USP32: variants seen among roughly 807,000 people sequenced by gnomAD.
USP32 encodes the protein ubiquitin specific peptidase 32.
USP32 carries 59 observed loss-of-function variants against 204.8 expected under a neutral mutation model. The ratio of observed to expected loss-of-function variants is 0.29; its 90% CI spans 0.23 to 0.36. USP32 has a LOEUF of 0.36. Among genes scored for constraint, USP32 ranks in the 10% least tolerant of loss-of-function variants. The pLI is 1.00. For missense variants in USP32, 1,160 were observed against 1,946.4 expected (o/e 0.60, Z 7.60); for synonymous variants, 517 against 678.4 (o/e 0.76, Z 3.70).
At chr17:60,198,498 C>A in intron 26 of USP32, 54 bp from the exon 27 acceptor site, 2 of 1,588,964 alleles carry the variant, frequency 1.3e-6, no homozygotes, top group African/African-American at 1.4e-5. Flanking sequence ...TCTGATTCCT[C>A]CCTTTAGTTC....
At position 60,185,671 on chromosome 17, in the gene USP32, G is replaced by A; in HGVS notation, c.3643-20C>T. 6.3e-7 allele frequency: 1 copy of A among 1,599,618 alleles called. No homozygotes were observed. Among genetic ancestry groups the A allele is most frequent in the Non-Finnish European group, 8.5e-7 (1 of 1,170,466 alleles). ...TACAACCTGCAGGTAGAGGGAACAGGAGGAAAGGGGTGCGTGGGAAGGCAT... is the reference window on the plus strand; with the variant it reads ...TACAACCTGCAGGTAGAGGGAACAGAAGGAAAGGGGTGCGTGGGAAGGCAT... On this transcript the variant is annotated intron_variant, in intron 29 of 33. Coordinates refer to ENST00000300896, the MANE Select transcript of USP32 (RefSeq NM_032582.4).
At position 60,209,508 on chromosome 17, in the gene USP32, C is replaced by T. The variant is rs1456322523; in HGVS notation, c.2460G>A (p.Gly820=). The T allele has an allele frequency of 2.5e-6, 4 of 1,601,662 alleles. No individual in the cohort carries two copies. Among genetic ancestry groups the T allele is most frequent in the East Asian group, 4.5e-5 (2 of 44,388 alleles). ...GTTCTTGGGAGTCCTGTTGCTGAAA[C>T]CCATTAAACCTGGGAGCATATTTTG... The part of the protein sequence containing the change: ...TIAKYAPRFN[G]FQQQDSQELL... The change falls in exon 22 of 34, where the codon GGG becomes GGA. Residue 820 remains glycine (G), a synonymous_variant. Coordinates refer to ENST00000300896, the MANE Select transcript of USP32 (RefSeq NM_032582.4).
chr17:60,309,600 T>TA (rs1247810010), intron 2 of USP32, among the ~76,000 whole-genome samples: 5 of 151,666 alleles, frequency 3.3e-5, no homozygotes, highest in African/African-American at 1.2e-4. Context: ...AGACACTTTC[T>TA]AAAAAAAATA....
At chr17:60,199,700 T>C (rs894776085) in intron 26 of USP32, among the ~76,000 whole-genome samples, 2 of 152,262 alleles carry the variant, frequency 1.3e-5, no homozygotes, top group African/African-American at 4.8e-5. Flanking sequence ...TTTAAGCCTC[T>C]ATTTCATATG....
At chr17:60,345,434 G>A in intron 2 of USP32, 47 bp downstream of exon 2, 1 of 1,604,222 alleles carries the variant, frequency 6.2e-7, no homozygotes, top group African/African-American at 1.3e-5. Flanking sequence ...TTAGGCTGGT[G>A]GAGGTGGATA....
Position 60,205,591 on chromosome 17 carries a change from T to C in USP32, c.3105A>G (p.Pro1035=), listed in dbSNP as rs779482723. The C allele has an allele frequency of 1.9e-6, 3 of 1,613,982 alleles. No individual in the cohort carries two copies. Among genetic ancestry groups the C allele is most frequent in the South Asian group, 1.1e-5 (1 of 91,074 alleles). ...TLTTNGDLPR[P]IFIPNGMPNT... ...TTGGCATTCCATTGGGGATGAATAT[T>C]GGTCGGGGTAGGTCCCCATTGGTAG... The change falls in exon 26 of 34, where the codon CCA becomes CCG. Residue 1035 remains proline, a synonymous_variant. Transcript: ENST00000300896.
chr17:60,361,830 A>C (rs1475132488), intron 1 of USP32, among the ~76,000 whole-genome samples: 2 of 152,164 alleles, frequency 1.3e-5, no homozygotes, highest in Non-Finnish European at 2.9e-5. Context: ...CTGTAATTCA[A>C]AGTAGAAAAC....
intron 5 of USP32, among the ~76,000 whole-genome samples, chr17:60,279,852 T>TTAA (rs201455332): frequency 0.026 from 3,761 of 145,606 alleles, 135 homozygotes; most frequent in African/African-American, 0.075. Flanking sequence ...ATAATAATAA[T>TTAA]TAATAATAAT....
At chr17:60,267,347 T>C (rs1037265641) in intron 7 of USP32, among the ~76,000 whole-genome samples, 3 of 151,888 alleles carry the variant, frequency 2.0e-5, no homozygotes, top group Non-Finnish European at 4.4e-5. Context: ...GAGGTTGCAG[T>C]GATCCAAGAT....
intron 17 of USP32, 115 bp from the exon 18 acceptor site, chr17:60,213,777 C>T (rs1357612736): frequency 1.8e-4 from 220 of 1,209,412 alleles, no homozygotes; most frequent in Non-Finnish European, 2.4e-4. Flanking sequence ...TATAACATAT[C>T]ACAAATATCT....
At chr17:60,357,706 C>A (rs900599322) in intron 1 of USP32, among the ~76,000 whole-genome samples, 3 of 152,026 alleles carry the variant, frequency 2.0e-5, no homozygotes, top group Admixed American at 1.3e-4. Context: ...CTGAATTAAT[C>A]TCTGGAAAGG....
chr17:60,415,098 G>A (rs1460240412), intron 1 of USP32, among the ~76,000 whole-genome samples: 1 of 152,132 alleles, frequency 6.6e-6, no homozygotes, highest in East Asian at 1.9e-4. Flanking sequence ...TGGGGAGGGT[G>A]GTATCCAGCA....
chr17:60,245,829 T>G (rs2086006821), intron 11 of USP32, among the ~76,000 whole-genome samples: 1 of 151,934 alleles, frequency 6.6e-6, no homozygotes, highest in South Asian at 2.1e-4. Context: ...TAGGAATGTC[T>G]TTAGTTCACC....
At chr17:60,237,359 C>T (rs8068861) in intron 11 of USP32, among the ~76,000 whole-genome samples, 6,508 of 148,736 alleles carry the variant, frequency 0.044, 520 homozygotes, top group African/African-American at 0.15. Flanking sequence ...GTCACCCAGG[C>T]TGGTCTTGAA....
At chr17:60,260,060 G>C (rs1418221281) in intron 9 of USP32, among the ~76,000 whole-genome samples, 1 of 152,064 alleles carries the variant, frequency 6.6e-6, no homozygotes, top group Non-Finnish European at 1.5e-5. Flanking sequence ...GAAGTTAAAG[G>C]CATCTGGAAC....
chr17:60,186,954 A>G (rs1316409802), intron 29 of USP32, among the ~76,000 whole-genome samples: 2 of 152,116 alleles, frequency 1.3e-5, no homozygotes, highest in Non-Finnish European at 2.9e-5. Flanking sequence ...TTCACACAGT[A>G]TATATTTGTG....
chr17:60,389,727 T>C (rs982642860), intron 1 of USP32, among the ~76,000 whole-genome samples: 5 of 151,588 alleles, frequency 3.3e-5, no homozygotes, highest in African/African-American at 9.7e-5. Context: ...AAAACATAAA[T>C]TCATGCCGGC....
chr17:60,330,706 C>A (rs958871448), intron 2 of USP32, among the ~76,000 whole-genome samples: 8 of 152,078 alleles, frequency 5.3e-5, no homozygotes, highest in Non-Finnish European at 1.2e-4. Flanking sequence ...ATCATCACAC[C>A]TGGCTAATAT....
intron 2 of USP32, among the ~76,000 whole-genome samples, chr17:60,321,081 G>C (rs140458697): frequency 6.6e-6 from 1 of 152,114 alleles, no homozygotes; most frequent in South Asian, 2.1e-4. Flanking sequence ...ACTGAAAATC[G>C]GAGATCCAGG....
Sources: gnomAD v4.1 joint callset for allele counts (sites outside exome capture counted in the v4.1 genomes callset) on GRCh38, gnomAD v4.1.1 for gene constraint, MANE v1.5 for transcripts, NCBI Gene and HGNC (gene_info 2026-07-23, HGNC 2026-07-21) for gene names.